The following CNTNAP2 variants were observed in gnomAD, a reference collection of about 807,000 sequenced individuals.
CNTNAP2 encodes contactin associated protein 2.
In CNTNAP2, 98 loss-of-function variants were observed where a neutral mutation model predicts 155.2. The ratio of observed to expected loss-of-function variants is 0.63; its 90% CI spans 0.54 to 0.75. The LOEUF is 0.75. Among genes scored for constraint, CNTNAP2 ranks in the 30% least tolerant of loss-of-function variants. The pLI, the probability that CNTNAP2 is intolerant of heterozygous loss-of-function variation, is 0.00. For synonymous variants in CNTNAP2, 651 were observed against 631.2 expected (o/e 1.03, Z -0.47); for missense variants, 1,727 against 1,688.1 (o/e 1.02, Z -0.40).
chr7:147,321,966 T>G (rs1286935512), intron 9 of CNTNAP2, among the ~76,000 whole-genome samples: 1 of 152,186 alleles, frequency 6.6e-6, no homozygotes, highest in African/African-American at 2.4e-5. Context: ...CTTTGTTATA[T>G]GAGAGAATAT....
chr7:148,357,244 G>A (rs1798534325), intron 21 of CNTNAP2, among the ~76,000 whole-genome samples: 1 of 152,150 alleles, frequency 6.6e-6, no homozygotes, highest in African/African-American at 2.4e-5. Context: ...GAGTTCCCCT[G>A]CATGAGCTCT....
At chr7:147,119,144 G>GCA (rs145244072) in intron 5 of CNTNAP2, among the ~76,000 whole-genome samples, 4 of 151,892 alleles carry the variant, frequency 2.6e-5, no homozygotes, top group East Asian at 3.9e-4. Context: ...GCACACGTGT[G>GCA]CACACACACA....
At chr7:146,474,244 TAAAC>T (rs1458234188) in intron 1 of CNTNAP2, among the ~76,000 whole-genome samples, 1 of 150,140 alleles carries the variant, frequency 6.7e-6, no homozygotes, top group African/African-American at 2.4e-5. Context: ...CTTTTCCAAA[TAAAC>T]TATTTGTTTC....
chr7:147,058,241 T>C (rs1799598901), intron 4 of CNTNAP2, among the ~76,000 whole-genome samples: 2 of 152,220 alleles, frequency 1.3e-5, no homozygotes, highest in African/African-American at 4.8e-5. Context: ...ATCTGCCACA[T>C]AGTTTGGCCG....
At chr7:148,364,893 G>A (rs1320498383) in intron 21 of CNTNAP2, among the ~76,000 whole-genome samples, 4 of 152,122 alleles carry the variant, frequency 2.6e-5, no homozygotes, top group African/African-American at 7.2e-5. Flanking sequence ...TTGGGTCCAC[G>A]CTGCTTTTAT....
chr7:147,108,605 G>A (rs575365452), intron 5 of CNTNAP2, among the ~76,000 whole-genome samples: 2 of 152,232 alleles, frequency 1.3e-5, no homozygotes, highest in Admixed American at 1.3e-4. Flanking sequence ...AGATCCTTAA[G>A]CTCATTAAGT....
intron 10 of CNTNAP2, among the ~76,000 whole-genome samples, chr7:147,435,500 A>T (rs1203133376): frequency 6.6e-6 from 1 of 152,250 alleles, no homozygotes; most frequent in Non-Finnish European, 1.5e-5. Context: ...CATGGATTGC[A>T]GCAAGAAGCA....
chr7:146,293,764 G>GA (rs575334470), intron 1 of CNTNAP2, among the ~76,000 whole-genome samples: 2 of 151,400 alleles, frequency 1.3e-5, no homozygotes, highest in East Asian at 3.9e-4. Context: ...TATCTAATTT[G>GA]AAAAAATAAC....
intron 1 of CNTNAP2, among the ~76,000 whole-genome samples, chr7:146,636,170 GC>G (rs1439519729): frequency 6.7e-6 from 1 of 149,286 alleles, no homozygotes; most frequent in Non-Finnish European, 1.5e-5. Flanking sequence ...CTACAGCGGT[GC>G]CCACAGGAAT....
At chr7:147,365,543 G>T (rs1796216783) in intron 9 of CNTNAP2, among the ~76,000 whole-genome samples, 1 of 151,454 alleles carries the variant, frequency 6.6e-6, no homozygotes, top group Non-Finnish European at 1.5e-5. Flanking sequence ...CCATCTTTTT[G>T]AATGTTATAA....
intron 14 of CNTNAP2, among the ~76,000 whole-genome samples, chr7:147,965,657 T>C (rs547918775): frequency 6.6e-6 from 1 of 152,236 alleles, no homozygotes; most frequent in East Asian, 1.9e-4. Context: ...ATAGTACATA[T>C]AATTCTTTTG....
rs139101985 is a variant in CNTNAP2, at chr7:146,142,615, C to T, written c.97+25642C>T. Among the ~76,000 whole-genome samples, 743 of 152,276 alleles carry T rather than the reference C, an allele frequency of 4.9e-3. 5 individuals carry two copies. Among genetic ancestry groups the T allele is most frequent in the African/African-American group, 0.017 (702 of 41,562 alleles). On this transcript the variant is annotated intron_variant, in intron 1 of 23. Coordinates refer to ENST00000361727, the MANE Select transcript of CNTNAP2 (RefSeq NM_014141.6). ...TTTTAAAATTCAAGGGTGATTCACTCTACCACTTATGAGCAGAAAACAAAC... is the reference window on the plus strand; with the variant it reads ...TTTTAAAATTCAAGGGTGATTCACTTTACCACTTATGAGCAGAAAACAAAC...
intron 13 of CNTNAP2, among the ~76,000 whole-genome samples, chr7:147,898,312 A>G (rs923742206): frequency 6.6e-6 from 1 of 152,326 alleles, no homozygotes. Flanking sequence ...AACTACTGGA[A>G]TATCTGAGAA....
intron 21 of CNTNAP2, among the ~76,000 whole-genome samples, chr7:148,346,499 C>T (rs941967479): frequency 2.6e-5 from 4 of 152,152 alleles, no homozygotes; most frequent in African/African-American, 7.2e-5. Context: ...AGGCCGGGTG[C>T]GGTGGCTCAT....
intron 1 of CNTNAP2, among the ~76,000 whole-genome samples, chr7:146,416,138 C>T (rs536492677): frequency 6.4e-5 from 9 of 141,714 alleles, no homozygotes; most frequent in African/African-American, 2.3e-4. Context: ...TCCAACTGGC[C>T]TTTATTTCAT....
chr7:147,294,925 G>C (rs1363180352), intron 8 of CNTNAP2, among the ~76,000 whole-genome samples: 1 of 152,258 alleles, frequency 6.6e-6, no homozygotes, highest in African/African-American at 2.4e-5. Context: ...CTCCCATAGT[G>C]CTGGGATTGC....
rs189480687 is a variant in CNTNAP2 at position 147,341,559 on chromosome 7, G to C, written c.1498+41269G>C. On this transcript the variant is annotated intron_variant, in intron 9 of 23. Coordinates refer to ENST00000361727, the MANE Select transcript of CNTNAP2 (RefSeq NM_014141.6). The stretch of plus-strand genomic sequence containing the variant: ...ATGAACTTTTTTCACAACTTATTTA[G>C]GTTGATACAACATGGACTTCAAGAG... 1.7e-3 allele frequency among the ~76,000 whole-genome samples: 257 copies of C among 152,160 alleles called. 1 individual carries two copies. The highest frequency in any genetic ancestry group is 5.7e-3 in the African/African-American group (236 of 41,508).
intron 1 of CNTNAP2, among the ~76,000 whole-genome samples, chr7:146,613,613 T>A (rs975722300): frequency 5.9e-5 from 9 of 152,214 alleles, no homozygotes; most frequent in Admixed American, 2.0e-4. Flanking sequence ...GATTTTTACA[T>A]CTGTTCAATA....
chr7:146,896,526 A>G (rs1427850528), intron 3 of CNTNAP2, among the ~76,000 whole-genome samples: 1 of 152,052 alleles, frequency 6.6e-6, no homozygotes, highest in African/African-American at 2.4e-5. Context: ...AACTGTTGAG[A>G]GCTATACTGT....
Sources: gnomAD v4.1 joint callset for allele counts (sites outside exome capture counted in the v4.1 genomes callset) on GRCh38, gnomAD v4.1.1 for gene constraint, MANE v1.5 for transcripts, NCBI Gene and HGNC (gene_info 2026-07-23, HGNC 2026-07-21) for gene names.